The following BTBD1 variants were observed in gnomAD, a reference collection of about 807,000 sequenced individuals.
The protein encoded by BTBD1 is BTB domain containing 1.
In BTBD1, 34 loss-of-function variants were observed where a neutral mutation model predicts 48.0. The observed-to-expected ratio is 0.71, with a 90% confidence interval of 0.54 to 0.94. The LOEUF (loss-of-function observed/expected upper bound fraction) is 0.94, where lower values mean the gene tolerates loss of function less well. Among genes scored for constraint, BTBD1 ranks in the 40% least tolerant of loss-of-function variants. The pLI, the probability that BTBD1 is intolerant of heterozygous loss-of-function variation, is 0.00. For synonymous variants in BTBD1, 261 were observed against 242.1 expected, an observed-to-expected ratio of 1.08 and a Z score of -0.72; for missense variants, 543 against 625.6, an observed-to-expected ratio of 0.87 and a Z score of 1.41.
chr15:83,026,689 A>C (rs1474093794), intron 5 of BTBD1, among the ~76,000 whole-genome samples: 1 of 151,706 alleles, frequency 6.6e-6, no homozygotes, highest in East Asian at 1.9e-4. Flanking sequence ...CACCTGGCTA[A>C]TTTTGTATTT....
chr15:83,041,930 A>G lies in BTBD1; in HGVS notation c.665-5T>C, dbSNP rs1308128041. Reference sequence around the variant, plus strand: ...CTAAAACTGCACAGAGTGTATCTATAGGCAAAATACAAAATAAACCCAATT... The same window carrying G: ...CTAAAACTGCACAGAGTGTATCTATGGGCAAAATACAAAATAAACCCAATT... On this transcript the variant is annotated splice_region_variant and splice_polypyrimidine_tract_variant and intron_variant, in intron 3 of 7. Transcript: ENST00000261721. The G allele has an allele frequency of 5.6e-6, 9 of 1,613,268 alleles. No individual in the cohort carries two copies. Among genetic ancestry groups the G allele is most frequent in the Non-Finnish European group, 7.6e-6 (9 of 1,179,404 alleles).
At chr15:83,035,220 G>C (rs1193932933) in intron 4 of BTBD1, among the ~76,000 whole-genome samples, 1 of 152,140 alleles carries the variant, frequency 6.6e-6, no homozygotes, top group African/African-American at 2.4e-5. Context: ...TTGGACCCCA[G>C]GAGGCGGAGG....
intron 4 of BTBD1, among the ~76,000 whole-genome samples, chr15:83,040,990 A>T (rs908528067): frequency 6.6e-6 from 1 of 151,694 alleles, no homozygotes; most frequent in Non-Finnish European, 1.5e-5. Flanking sequence ...TCTCTATAAA[A>T]AAAATTAAAA....
intron 4 of BTBD1, among the ~76,000 whole-genome samples, chr15:83,036,564 G>C (rs958332775): frequency 6.6e-6 from 1 of 152,238 alleles, no homozygotes; most frequent in Non-Finnish European, 1.5e-5. Context: ...CCATGACTTA[G>C]CAATTCCACT....
chr15:83,053,788 GTGA>G (rs1049696667), intron 2 of BTBD1, among the ~76,000 whole-genome samples: 1 of 152,102 alleles, frequency 6.6e-6, no homozygotes, highest in African/African-American at 2.4e-5. Flanking sequence ...CTTAAAAATG[GTGA>G]TAATAAGAAA....
At position 83,056,437 on chromosome 15, in the gene BTBD1, A is replaced by G; in HGVS notation, c.510T>C (p.Phe170=). Residue 170 remains phenylalanine (F), a synonymous_variant, in exon 2 of 8, where the codon TTT becomes TTC. Coordinates refer to ENST00000261721, the MANE Select transcript of BTBD1 (RefSeq NM_025238.4). ...TATCTGCCCTAAGATGTTTGGTGAG[A>G]AATTCTACACAGTGTGCTTCCAAGG... ...VPALEAHCVE[F]LTKHLRADNA... 1 of 1,613,744 alleles carries G rather than the reference A, an allele frequency of 6.2e-7. No individual in the cohort carries two copies. Among genetic ancestry groups the G allele is most frequent in the Non-Finnish European group, 8.5e-7 (1 of 1,179,678 alleles).
At chr15:83,023,527 A>C (rs1267865387) in intron 5 of BTBD1, among the ~76,000 whole-genome samples, 1 of 152,022 alleles carries the variant, frequency 6.6e-6, no homozygotes, top group Non-Finnish European at 1.5e-5. Context: ...CCACAGGTGC[A>C]TGCCACTACA....
rs1003946992 is a variant in BTBD1 at position 83,055,512 on chromosome 15, C to T, written c.558+877G>A. ...GCCTCAAGTGATCCGCCCACCTGGC[C>T]TCCCAAAGTGCTGGGATTACAGGCT... On this transcript the variant is annotated intron_variant, in intron 2 of 7. Coordinates refer to ENST00000261721, the MANE Select transcript of BTBD1 (RefSeq NM_025238.4). Among the ~76,000 whole-genome samples the T allele has an allele frequency of 3.3e-5, 5 of 152,226 alleles. No individual in the cohort carries two copies. In the South Asian group the frequency reaches 1.0e-3, roughly 31 times the overall value.
chr15:83,031,616 C>T lies in BTBD1; in HGVS notation c.863-1288G>A, dbSNP rs529136403. Among the ~76,000 whole-genome samples the T allele has an allele frequency of 2.6e-5, 4 of 152,108 alleles. No homozygotes were observed. In the East Asian group the frequency reaches 5.8e-4, roughly 22 times the overall value. ...ACACAGGAAGGGGAACATCACATAC[C>T]GGGGCCTGCTGTGGGGCAGCGGGAG... On this transcript the variant is annotated intron_variant, in intron 4 of 7. Transcript: ENST00000261721.
intron 4 of BTBD1, among the ~76,000 whole-genome samples, chr15:83,036,142 T>A (rs1567106329): frequency 5.7e-5 from 6 of 105,342 alleles, no homozygotes; most frequent in Admixed American, 1.0e-4. Flanking sequence ...TTGATTCCTC[T>A]AAAAGAAAGC....
chr15:83,066,654 G>T (rs2033277650), intron 1 of BTBD1, 97 bp downstream of exon 1: 2 of 1,242,720 alleles, frequency 1.6e-6, no homozygotes, highest in South Asian at 2.9e-5. Context: ...CCCAGCCCAA[G>T]GTCATCCGGG....
In BTBD1 at chr15:83,018,808, C is replaced by T. The variant is rs765497456; in HGVS notation, c.1189G>A (p.Gly397Ser). ...TTAGCTGTCCCATCACAACTAAAGC[C>T]GGTATCATTCTGTCCCAGGGTTTGC... ...KKQTLGQNDT[G>S]FSCDGTANTF... is the part of the protein sequence containing the mutation. The change falls in exon 7 of 8, where the codon GGC becomes AGC. Residue 397 changes from glycine (G) to serine (S), a missense_variant. Gly to Ser is a moderately conservative substitution (Grantham distance 56, BLOSUM62 0). Transcript: ENST00000261721. 21 of 1,613,888 alleles carry T rather than the reference C, an allele frequency of 1.3e-5. No individual in the cohort carries two copies. The highest frequency in any genetic ancestry group is 1.4e-5 in the Non-Finnish European group (17 of 1,179,932).
At chr15:83,020,460 T>C (rs1172998325) in intron 6 of BTBD1, 1 of 455,336 alleles carries the variant, frequency 2.2e-6, no homozygotes, top group East Asian at 3.6e-5. Context: ...GAAGAGCTCC[T>C]TATATGCTAC....
At position 83,066,953 on chromosome 15, in the gene BTBD1, G is replaced by A; in HGVS notation, c.199C>T (p.Leu67=). 6.3e-7 allele frequency: 1 copy of A among 1,580,118 alleles called. No individual in the cohort carries two copies. The highest frequency in any genetic ancestry group is 1.1e-5 in the South Asian group (1 of 88,046). The change falls in exon 1 of 8, where the codon CTG becomes TTG. Residue 67 remains leucine (L), a synonymous_variant. Coordinates refer to ENST00000261721, the MANE Select transcript of BTBD1 (RefSeq NM_025238.4). ...ERFAFLFNSE[L]LSDVRFVLGK... The stretch of plus-strand genomic sequence containing the variant: ...AGTACGAAGCGCACATCGCTCAGCA[G>A]CTCCGAGTTGAAGAGGAAGGCGAAG...
intron 3 of BTBD1, among the ~76,000 whole-genome samples, chr15:83,048,224 T>C (rs1161435018): frequency 1.3e-5 from 2 of 152,062 alleles, no homozygotes; most frequent in Admixed American, 6.6e-5. Context: ...AGGTTCATGG[T>C]GGTGTTGTTA....
intron 4 of BTBD1, among the ~76,000 whole-genome samples, chr15:83,031,823 A>T (rs1446070366): frequency 6.6e-6 from 1 of 152,218 alleles, no homozygotes; most frequent in Non-Finnish European, 1.5e-5. Context: ...ACATAAGAAA[A>T]AATGCTCATC....
At chr15:83,039,937 C>A (rs369307265) in intron 4 of BTBD1, among the ~76,000 whole-genome samples, 2 of 151,974 alleles carry the variant, frequency 1.3e-5, no homozygotes, top group South Asian at 2.1e-4. Flanking sequence ...AGCAACGACA[C>A]TGACTCAACC....
intron 1 of BTBD1, among the ~76,000 whole-genome samples, chr15:83,064,256 C>G (rs758591817): frequency 1.3e-5 from 2 of 152,152 alleles, no homozygotes; most frequent in Non-Finnish European, 2.9e-5. Context: ...CTACGTTACA[C>G]AGCCAGCCAA....
At chr15:83,066,413 G>C (rs541779610) in intron 1 of BTBD1, among the ~76,000 whole-genome samples, 5 of 152,294 alleles carry the variant, frequency 3.3e-5, no homozygotes, top group African/African-American at 1.2e-4. Context: ...TGGGCAATCA[G>C]GACAACCTGA....
Sources: gnomAD v4.1 joint callset for allele counts (sites outside exome capture counted in the v4.1 genomes callset) on GRCh38, gnomAD v4.1.1 for gene constraint, MANE v1.5 for transcripts, NCBI Gene and HGNC (gene_info 2026-07-23, HGNC 2026-07-21) for gene names.